Variants in XDH observed in about 807,000 individuals in gnomAD.
The protein encoded by XDH is xanthine dehydrogenase/oxidase.
A neutral mutation model predicts 156.1 loss-of-function variants in XDH; 138 were observed. That is an observed-to-expected ratio of 0.88 (90% CI 0.77 to 1.02). The LOEUF is 1.02. Among genes scored for constraint, XDH ranks in the 50% least tolerant of loss-of-function variants. The pLI is 0.00. For missense variants in XDH, 1,849 were observed against 1,684.9 expected, an observed-to-expected ratio of 1.10 and a Z score of -1.71; for synonymous variants, 669 against 625.7, an observed-to-expected ratio of 1.07 and a Z score of -1.03.
chr2:31,363,420 C>T (rs76772830), intron 24 of XDH, among the ~76,000 whole-genome samples: 1,523 of 152,276 alleles, frequency 0.01, 20 homozygotes, highest in African/African-American at 0.035. Context: ...AATGACTTGA[C>T]TACAAGACGG....
At chr2:31,350,271 T>C (rs559165112) in intron 24 of XDH, 48 bp from the exon 25 acceptor site, 47 of 1,608,662 alleles carry the variant, frequency 2.9e-5, no homozygotes, top group Middle Eastern at 1.7e-4. Flanking sequence ...ACTGATTGCA[T>C]TGGTTCCTCA....
chr2:31,386,995 G>GGAAGGAAGGAAGGAAA (rs1686624452), intron 8 of XDH, among the ~76,000 whole-genome samples: 1 of 8,830 alleles, frequency 1.1e-4, no homozygotes, highest in African/African-American at 4.4e-4. Context: ...AAGAAAGGAA[G>GGAAGGAAGGAAGGAAA]GAAGGAAGGA....
chr2:31,406,625 A>G (rs1311540029), intron 1 of XDH, among the ~76,000 whole-genome samples: 2 of 152,234 alleles, frequency 1.3e-5, no homozygotes, highest in African/African-American at 4.8e-5. Flanking sequence ...ACCACAGAAC[A>G]TGCAGGCATT....
At chr2:31,386,772 T>G (rs1686608605) in intron 8 of XDH, among the ~76,000 whole-genome samples, 1 of 152,056 alleles carries the variant, frequency 6.6e-6, no homozygotes, top group East Asian at 1.9e-4. Context: ...AGCCTCATTT[T>G]CACCAGTGAA....
rs1572516401 is a variant in XDH, at chr2:31,348,796, C to T, written c.3051+103G>A. 4.9e-6 allele frequency: 5 copies of T among 1,027,242 alleles called. No individual in the cohort carries two copies. The East Asian group carries it at 9.8e-5, about 20-fold the overall frequency. The allele number at this position is 1,027,242 out of a possible 1,614,324, so 63.6% of individuals were successfully genotyped here. ...AAGAGCAAAGAGTTCCTCCAGTAAG[C>T]CCTGTTACCAGTGACAACGAAATTT... On this transcript the variant is annotated intron_variant, in intron 27 of 35. Coordinates refer to ENST00000379416, the MANE Select transcript of XDH (RefSeq NM_000379.4).
chr2:31,362,346 A>G (rs1204712385), intron 24 of XDH, among the ~76,000 whole-genome samples: 1 of 152,184 alleles, frequency 6.6e-6, no homozygotes, highest in Non-Finnish European at 1.5e-5. Flanking sequence ...TAACATCTCA[A>G]GCTACTGATC....
At chr2:31,373,659 T>C (rs1448389726) in intron 16 of XDH, among the ~76,000 whole-genome samples, 1 of 152,018 alleles carries the variant, frequency 6.6e-6, no homozygotes, top group Non-Finnish European at 1.5e-5. Context: ...AAGAGTTTAA[T>C]CCCAAAGAGA....
chr2:31,384,920 T>C (rs1350287996), intron 9 of XDH, among the ~76,000 whole-genome samples: 1 of 152,186 alleles, frequency 6.6e-6, no homozygotes, highest in Admixed American at 6.5e-5. Flanking sequence ...ACTATGCTAT[T>C]GGGGTATGTA....
chr2:31,339,473 G>T lies in XDH; in HGVS notation c.3774+16C>A. The T allele has an allele frequency of 1.9e-6, 3 of 1,613,640 alleles. No homozygotes were observed. Among genetic ancestry groups the T allele is most frequent in the Non-Finnish European group, 1.7e-6 (2 of 1,180,036 alleles). On this transcript the variant is annotated intron_variant, in intron 34 of 35. Transcript: ENST00000379416. ...GGCAGATCAGAAGAGACAGCACAGA[G>T]CCAGAGCAATGGTACCTTCGATGCA...
chr2:31,413,116 AAT>A (rs1331226023), intron 1 of XDH, among the ~76,000 whole-genome samples: 1 of 152,210 alleles, frequency 6.6e-6, no homozygotes. Context: ...CAGGTTAACC[AAT>A]GGTTTGGTTT....
chr2:31,358,392 A>T (rs1685682277), intron 24 of XDH, among the ~76,000 whole-genome samples: 1 of 152,204 alleles, frequency 6.6e-6, no homozygotes, highest in Non-Finnish European at 1.5e-5. Flanking sequence ...TAGAAGAGGA[A>T]TTCTAACTCA....
chr2:31,370,399 T>A lies in XDH; in HGVS notation c.1936A>T (p.Ile646Leu), dbSNP rs17323225. ...GTCTCATCATTACAAATTCCAGTTATGTTACTCCCAGGAACATCATCAGCG... is the reference window on the plus strand; with the variant it reads ...GTCTCATCATTACAAATTCCAGTTAAGTTACTCCCAGGAACATCATCAGCG... ...ISADDVPGSNITGICNDETVF... is the reference protein window; with the variant it reads ...ISADDVPGSNLTGICNDETVF... The change falls in exon 18 of 36, where the codon ATA becomes TTA. Residue 646 changes from isoleucine to leucine, a missense_variant. Transcript: ENST00000379416. 2 of 1,614,238 alleles carry A rather than the reference T, an allele frequency of 1.2e-6. No homozygotes were observed. Among genetic ancestry groups the A allele is most frequent in the East Asian group, 4.5e-5 (2 of 44,894 alleles).
chr2:31,395,299 T>C (rs1283590981), intron 6 of XDH, among the ~76,000 whole-genome samples: 1 of 152,116 alleles, frequency 6.6e-6, no homozygotes, highest in Non-Finnish European at 1.5e-5. Context: ...ACAGGATGGC[T>C]GGAGGGGGCT....
intron 5 of XDH, 131 bp from the exon 6 acceptor site, chr2:31,397,860 G>A (rs1558313358): frequency 2.0e-6 from 2 of 976,546 alleles, no homozygotes; most frequent in Non-Finnish European, 3.2e-6. Context: ...CTGTCTGGAA[G>A]GCCTCTTGGC....
intron 15 of XDH, among the ~76,000 whole-genome samples, chr2:31,374,561 A>C (rs1158892711): frequency 6.6e-6 from 1 of 152,208 alleles, no homozygotes; most frequent in Non-Finnish European, 1.5e-5. Flanking sequence ...GGAAATAACC[A>C]AAATACTTGG....
In XDH at chr2:31,365,888, CAG is replaced by C. The variant is rs1253197038; in HGVS notation, c.2456+86_2456+87del. 6.9e-6 allele frequency: 11 copies of C among 1,598,652 alleles called. No individual in the cohort carries two copies. In the African/African-American group the frequency reaches 1.2e-4, roughly 17 times the overall value. On this transcript the variant is annotated intron_variant, in intron 22 of 35. Transcript: ENST00000379416. ...CAAAGCAGGGGGAAACTAATTCTAACAGGGGGAAGTCCTGAAAACCTTCCTGG... is the reference window on the plus strand; with the variant it reads ...CAAAGCAGGGGGAAACTAATTCTAACGGGGAAGTCCTGAAAACCTTCCTGG...
intron 6 of XDH, 50 bp from the exon 7 acceptor site, chr2:31,388,345 C>A (rs1442804632): frequency 1.9e-6 from 3 of 1,596,376 alleles, no homozygotes; most frequent in Non-Finnish European, 2.6e-6. Context: ...AGAGTATTTG[C>A]AGAAGCTAAG....
At chr2:31,391,961 ATT>A (rs1686776876) in intron 6 of XDH, among the ~76,000 whole-genome samples, 1 of 152,206 alleles carries the variant, frequency 6.6e-6, no homozygotes, top group African/African-American at 2.4e-5. Context: ...GTTAAAGGTT[ATT>A]AATTAATGAT....
At chr2:31,343,285 CAT>C (rs60481824) in intron 31 of XDH, among the ~76,000 whole-genome samples, 1,319 of 68,080 alleles carry the variant, frequency 0.019, 9 homozygotes, top group Middle Eastern at 0.078. Flanking sequence ...ATTTCTTCAC[CAT>C]ATATATATAT....
Sources: allele counts gnomAD v4.1 joint callset (sites outside exome capture counted in the v4.1 genomes callset), GRCh38; gene constraint gnomAD v4.1.1; transcripts MANE v1.5; gene names NCBI Gene and HGNC (gene_info 2026-07-23, HGNC 2026-07-21).